ACLY: variants seen among roughly 807,000 people sequenced by gnomAD.
ACLY encodes ATP-citrate synthase.
In ACLY, 41 loss-of-function variants were observed where a neutral mutation model predicts 133.0. The observed-to-expected ratio is 0.31, with a 90% CI of 0.24 to 0.40. The LOEUF is 0.40. Among genes scored for constraint, ACLY ranks in the 10% least tolerant of loss-of-function variants. The probability of loss-of-function intolerance (pLI) is 1.00; values close to 1 mark genes in which losing one functional copy is unlikely to be tolerated. For missense variants in ACLY, 1,046 were observed against 1,453.8 expected (o/e 0.72, Z 4.56); for synonymous variants, 495 against 549.3 (o/e 0.90, Z 1.38).
intron 14 of ACLY, among the ~76,000 whole-genome samples, chr17:41,895,312 T>C (rs537308975): frequency 1.1e-3 from 160 of 152,316 alleles, no homozygotes; most frequent in African/African-American, 3.5e-3. Context: ...CTGATCTATC[T>C]ACCCTGCCAG....
Position 41,896,600 on chromosome 17 carries a change from G to T in ACLY, c.1459+20C>A, listed in dbSNP as rs782486110. ...TAACAAAGCCACACGCGGAGTGGGG[G>T]CAGGGTGGGGGCATCCTACCTTGCA... is the stretch of plus-strand genomic sequence containing the variant. On this transcript the variant is annotated intron_variant, in intron 14 of 28. Coordinates refer to ENST00000352035, the MANE Select transcript of ACLY (RefSeq NM_001096.3). 3 of 1,544,624 alleles carry T rather than the reference G, an allele frequency of 1.9e-6. No individual in the cohort carries two copies. Among genetic ancestry groups the T allele is most frequent in the Non-Finnish European group, 2.6e-6 (3 of 1,145,886 alleles).
Position 41,897,848 on chromosome 17 carries a change from A to C in ACLY, c.1339-9T>G. 6.2e-7 allele frequency: 1 copy of C among 1,611,402 alleles called. No homozygotes were observed. The highest frequency in any genetic ancestry group is 8.5e-7 in the Non-Finnish European group (1 of 1,178,716). On this transcript the variant is annotated splice_polypyrimidine_tract_variant and intron_variant, in intron 12 of 28. Coordinates refer to ENST00000352035, the MANE Select transcript of ACLY (RefSeq NM_001096.3). ...CTGCTGGGGGCTGGCGTCTGGGGTG[A>C]GATAAGGAGAGAGTGTAAGAGGTAA...
intron 1 of ACLY, among the ~76,000 whole-genome samples, chr17:41,925,633 T>C (rs1374150126): frequency 1.3e-5 from 2 of 151,612 alleles, no homozygotes; most frequent in Non-Finnish European, 2.9e-5. Flanking sequence ...ATAAAAGTAA[T>C]CTTCTGACTG....
At chr17:41,903,733 G>T (rs1356840495) in intron 10 of ACLY, among the ~76,000 whole-genome samples, 2 of 120,334 alleles carry the variant, frequency 1.7e-5, no homozygotes, top group African/African-American at 6.3e-5. Flanking sequence ...GCCAGCCTGG[G>T]CAACAGAGCG....
intron 1 of ACLY, among the ~76,000 whole-genome samples, chr17:41,914,955 T>C (rs1006971359): frequency 3.9e-5 from 6 of 152,154 alleles, no homozygotes; most frequent in Non-Finnish European, 5.9e-5. Flanking sequence ...ATTTCTTAGA[T>C]GAGGAATAAA....
Position 41,903,755 on chromosome 17 carries a change from CAAAAAAAAAAAAAAA to C in ACLY, c.1065+959_1065+973del, listed in dbSNP as rs10615655. Among the ~76,000 whole-genome samples the C allele has an allele frequency of 2.8e-3, 137 of 48,696 alleles. 2 individuals are homozygous for C. The highest frequency in any genetic ancestry group is 0.012 in the African/African-American group (123 of 10,588). 31.9% of individuals were successfully genotyped at this position (48,696 alleles called of 152,430 possible). A position where few individuals can be genotyped will look rare whatever the true frequency, so the allele number is the denominator to read the frequency against. ...TGGGCAACAGAGCGAGACTCTGTCTCAAAAAAAAAAAAAAAAAAAAAAAAAAAAAAAGAGATGCAG... is the reference window on the plus strand; with the variant it reads ...TGGGCAACAGAGCGAGACTCTGTCTCAAAAAAAAAAAAAAAAGAGATGCAG... On this transcript the variant is annotated intron_variant, in intron 10 of 28. Coordinates refer to ENST00000352035, the MANE Select transcript of ACLY (RefSeq NM_001096.3).
At chr17:41,912,335 G>A (rs1327696365) in intron 3 of ACLY, 85 bp downstream of exon 3, 1 of 1,527,276 alleles carries the variant, frequency 6.5e-7, no homozygotes, top group Non-Finnish European at 8.9e-7. Context: ...TGGCTGTGGG[G>A]GTGATCCACA....
At chr17:41,886,906 C>T (rs1210718763) in intron 17 of ACLY, among the ~76,000 whole-genome samples, 2 of 152,042 alleles carry the variant, frequency 1.3e-5, no homozygotes, top group African/African-American at 4.8e-5. Flanking sequence ...GGCAGACTAC[C>T]TGAGGTTGGG....
intron 15 of ACLY, 66 bp from the exon 16 acceptor site, chr17:41,892,513 A>G: frequency 6.8e-7 from 1 of 1,469,334 alleles, no homozygotes; most frequent in Non-Finnish European, 9.4e-7. Flanking sequence ...GGGGAAGCTG[A>G]GGGGAGGAAT....
intron 9 of ACLY, among the ~76,000 whole-genome samples, chr17:41,905,111 C>A (rs1403279352): frequency 6.6e-6 from 1 of 152,146 alleles, no homozygotes; most frequent in African/African-American, 2.4e-5. Flanking sequence ...GAAAGAAGAA[C>A]TGGTATGCAG....
chr17:41,879,834 T>A (rs1389183527), intron 20 of ACLY, among the ~76,000 whole-genome samples: 1 of 151,170 alleles, frequency 6.6e-6, no homozygotes, highest in Admixed American at 6.6e-5. Flanking sequence ...TTCTCCCACC[T>A]CCTCCCGTGT....
At chr17:41,919,098 C>T, upstream of ACLY, 2 of 1,193,194 alleles carry the variant, frequency 1.7e-6, no homozygotes, top group Non-Finnish European at 2.1e-6. Context: ...TCGCTGCTGG[C>T]TTGGCTCCGC....
chr17:41,887,724 C>T, intron 16 of ACLY, 21 bp from the exon 17 acceptor site: 1 of 1,607,282 alleles, frequency 6.2e-7, no homozygotes, highest in Non-Finnish European at 8.5e-7. Context: ...ACAAAAGTCC[C>T]TTCCTGTTAA....
chr17:41,891,625 T>C (rs977770813), intron 16 of ACLY, among the ~76,000 whole-genome samples: 8 of 151,932 alleles, frequency 5.3e-5, no homozygotes, highest in African/African-American at 1.9e-4. Flanking sequence ...TCAAGCAATC[T>C]TCTTGCCTTG....
chr17:41,897,816 T>G lies in ACLY; in HGVS notation c.1362A>C (p.Ala454=). 1 of 1,613,668 alleles carries G rather than the reference T, an allele frequency of 6.2e-7. No homozygotes were observed. Among genetic ancestry groups the G allele is most frequent in the Non-Finnish European group, 8.5e-7 (1 of 1,179,836 alleles). ...STSTPAPSRT[A]SFSESRADEV... ...CATCGGCCCTGGACTCAGAAAAAGATGCTGTCCTGCTGGGGGCTGGCGTCT... is the reference window on the plus strand; with the variant it reads ...CATCGGCCCTGGACTCAGAAAAAGAGGCTGTCCTGCTGGGGGCTGGCGTCT... The change falls in exon 13 of 29, where the codon GCA becomes GCC. Residue 454 remains alanine (A), a synonymous_variant. Coordinates refer to ENST00000352035, the MANE Select transcript of ACLY (RefSeq NM_001096.3).
intron 11 of ACLY, among the ~76,000 whole-genome samples, chr17:41,900,113 C>T (rs1555631277): frequency 7.7e-6 from 1 of 129,680 alleles, no homozygotes; most frequent in Non-Finnish European, 1.6e-5. Flanking sequence ...ATAATCTCAG[C>T]ACTTTGGGAG....
intron 7 of ACLY, 32 bp downstream of exon 7, chr17:41,907,410 C>A (rs34072894): frequency 1.4e-5 from 23 of 1,603,046 alleles, no homozygotes; most frequent in East Asian, 2.2e-5. Context: ...GCCCTCCCCC[C>A]AGTCCCCATC....
rs9912300 is a variant in ACLY at position 41,869,011 on chromosome 17, G to T, written c.3134+32C>A. ...GAGGAAACAACAAAAATCAACAAAC[G>T]TAATGAAGAAGAAAACAGCTACAAT... On this transcript the variant is annotated intron_variant, in intron 27 of 28. Coordinates refer to ENST00000352035, the MANE Select transcript of ACLY (RefSeq NM_001096.3). The T allele has an allele frequency of 0.76, 1,194,309 of 1,564,254 alleles. 457,963 individuals carry two copies. The highest frequency in any genetic ancestry group is 0.87 in the Admixed American group (48,835 of 56,172).
upstream of ACLY, among the ~76,000 whole-genome samples, chr17:41,922,554 T>C (rs2050195710): frequency 6.6e-6 from 1 of 152,094 alleles, no homozygotes; most frequent in South Asian, 2.1e-4. Context: ...TTTGGTAATA[T>C]CAGTAAACAT....
Sources: gnomAD v4.1 joint callset for allele counts (sites outside exome capture counted in the v4.1 genomes callset) on GRCh38, gnomAD v4.1.1 for gene constraint, MANE v1.5 for transcripts, NCBI Gene and HGNC (gene_info 2026-07-23, HGNC 2026-07-21) for gene names.